Variants in CD163 observed in about 807,000 individuals in gnomAD.
The protein encoded by CD163 is scavenger receptor cysteine-rich type 1 protein M130.
CD163 carries 64 observed loss-of-function variants against 129.2 expected under a neutral mutation model. That is an observed-to-expected ratio of 0.50 (90% CI 0.41 to 0.61). The LOEUF is 0.61. CD163 is among the 20% of genes least tolerant of loss of function. The pLI is 0.00. For missense variants in CD163, 1,061 were observed against 1,377.9 expected, an observed-to-expected ratio of 0.77 and a Z score of 3.64; for synonymous variants, 446 against 478.5, an observed-to-expected ratio of 0.93 and a Z score of 0.89.
chr12:7,502,830 C>T (rs1213801367), intron 1 of CD163: 4 of 546,822 alleles, frequency 7.3e-6, no homozygotes, highest in Non-Finnish European at 1.3e-5. Flanking sequence ...GCAAGGTCAA[C>T]CCTTAAAACC....
At chr12:7,481,073 A>T in intron 15 of CD163, 88 bp downstream of exon 15, 1 of 1,519,416 alleles carries the variant, frequency 6.6e-7, no homozygotes, top group Admixed American at 2.1e-5. Context: ...AGACTTTTTT[A>T]ACTGTTTATC....
intron 13 of CD163, 28 bp downstream of exon 13, chr12:7,482,938 T>A (rs1456413653): frequency 6.2e-7 from 1 of 1,610,382 alleles, no homozygotes; most frequent in African/African-American, 1.3e-5. Flanking sequence ...AGATAATTGG[T>A]CTCATCATCA....
intron 4 of CD163, 70 bp downstream of exon 4, chr12:7,498,798 C>T: frequency 4.3e-6 from 6 of 1,391,908 alleles, no homozygotes; most frequent in Non-Finnish European, 5.9e-6. Context: ...AGAGTTCAGG[C>T]TCTTAAGATT....
intron 2 of CD163, 49 bp from the exon 3 acceptor site, chr12:7,501,511 G>C: frequency 7.0e-7 from 1 of 1,419,344 alleles, no homozygotes; most frequent in Non-Finnish European, 9.9e-7. Flanking sequence ...CAAAGAGCAA[G>C]TAGAAAATTA....
intron 2 of CD163, 123 bp from the exon 3 acceptor site, chr12:7,501,585 G>A: frequency 2.9e-6 from 2 of 683,154 alleles, no homozygotes; most frequent in Non-Finnish European, 5.0e-6. Context: ...TCCTATCCAT[G>A]GTAAAACAGA....
Position 7,503,759 on chromosome 12 carries a change from GA to G in CD163, c.-70del. On this transcript the variant is annotated 5_prime_UTR_variant, in exon 1 of 17. Transcript: ENST00000432237. The stretch of plus-strand genomic sequence containing the variant: ...TATTCCCTAGAAATGTTCTTCTAAA[GA>G]AAACAACTAAGAATTCTAAAAATCA... 1 of 970,700 alleles carries G rather than the reference GA, an allele frequency of 1.0e-6. No homozygotes were observed. The allele number at this position is 970,700 out of a possible 1,614,324, so 60.1% of individuals were successfully genotyped here. A position where few individuals can be genotyped will look rare whatever the true frequency, so the allele number is the denominator to read the frequency against.
At chr12:7,472,818 A>G (rs1405116067) in intron 16 of CD163, among the ~76,000 whole-genome samples, 1 of 152,216 alleles carries the variant, frequency 6.6e-6, no homozygotes, top group Non-Finnish European at 1.5e-5. Context: ...AAGGAGGCTA[A>G]GAACCTGATT....
At chr12:7,479,749 C>A in intron 16 of CD163, 111 bp downstream of exon 16, 2 of 1,113,496 alleles carry the variant, frequency 1.8e-6, no homozygotes, top group South Asian at 3.0e-5. Flanking sequence ...TGCACATAAG[C>A]AAATAAAATA....
rs1480266218 is a variant in CD163, at chr12:7,496,005, A to C, written c.1100-604T>G. Among the ~76,000 whole-genome samples, 4 of 152,186 alleles carry C rather than the reference A, an allele frequency of 2.6e-5. No individual in the cohort carries two copies. Among genetic ancestry groups the C allele is most frequent in the Non-Finnish European group, 4.4e-5 (3 of 68,024 alleles). On this transcript the variant is annotated intron_variant, in intron 5 of 16. Coordinates refer to ENST00000432237, the MANE Select transcript of CD163 (RefSeq NM_203416.4). This position sits in a 1 kb window ranked among gnomAD's most constrained non-coding sequence, Gnocchi z 4.8. Reference sequence around the variant, plus strand: ...TACCCAAAGGATTATAAATCATTCTACTATAAAGACACATGCACATGTATG... The same window carrying C: ...TACCCAAAGGATTATAAATCATTCTCCTATAAAGACACATGCACATGTATG...
At chr12:7,483,843 T>TATA (rs1259483569) in intron 11 of CD163, 168 bp from the exon 12 acceptor site, 3,237 of 37,932 alleles carry the variant, frequency 0.085, 16 homozygotes, top group Middle Eastern at 0.12. Flanking sequence ...ATATATATAT[T>TATA]TTTTTTTTTT....
At chr12:7,484,600 T>C (rs1183135336) in intron 11 of CD163, among the ~76,000 whole-genome samples, 4 of 142,148 alleles carry the variant, frequency 2.8e-5, no homozygotes, top group African/African-American at 1.0e-4. Flanking sequence ...GATCACGCCA[T>C]TGCACTCCAG....
chr12:7,499,363 A>G (rs749929667), intron 3 of CD163, among the ~76,000 whole-genome samples, 175 bp from the exon 4 acceptor site: 3 of 152,326 alleles, frequency 2.0e-5, no homozygotes, highest in South Asian at 4.1e-4. Context: ...TCTAGGAAGC[A>G]ATTAGGATTT....
At chr12:7,478,378 AT>A in intron 16 of CD163, among the ~76,000 whole-genome samples, 1 of 152,124 alleles carries the variant, frequency 6.6e-6, no homozygotes, top group South Asian at 2.1e-4. Context: ...TATTGATGGT[AT>A]TTCAAATTTT....
Position 7,470,859 on chromosome 12 carries a change from G to T in CD163, c.*570C>A, listed in dbSNP as rs1054131249. 3.9e-5 allele frequency: 6 copies of T among 152,128 alleles called. No individual in the cohort carries two copies. Among genetic ancestry groups the T allele is most frequent in the Non-Finnish European group, 7.4e-5 (5 of 68,006 alleles). The allele number at this position is 152,128 out of a possible 1,614,324, so 9.4% of individuals were successfully genotyped here. Reference sequence around the variant, plus strand: ...GCTCTGCATTTTATTCTAGTGAACAGAATTACAGTAACAAAAAGCAGTTAA... The same window carrying T: ...GCTCTGCATTTTATTCTAGTGAACATAATTACAGTAACAAAAAGCAGTTAA... On this transcript the variant is annotated 3_prime_UTR_variant, in exon 17 of 17. Transcript: ENST00000432237.
At chr12:7,480,294 G>T (rs577442044) in intron 15 of CD163, 2 of 231,648 alleles carry the variant, frequency 8.6e-6, no homozygotes, top group Non-Finnish European at 1.6e-5. Flanking sequence ...ATGGGTTTTG[G>T]GATATTTCTT....
chr12:7,484,840 T>G (rs1227041380), intron 11 of CD163, among the ~76,000 whole-genome samples: 1 of 152,192 alleles, frequency 6.6e-6, no homozygotes, highest in African/African-American at 2.4e-5. Flanking sequence ...AATAAATCTT[T>G]CAAGCAGACC....
chr12:7,480,222 G>A (rs1037506944), intron 15 of CD163: 1 of 384,854 alleles, frequency 2.6e-6, no homozygotes, highest in Non-Finnish European at 4.6e-6. Context: ...ATAATTCTTT[G>A]GATGGAAGAA....
rs189273624 is a variant in CD163 at position 7,484,067 on chromosome 12, C to T, written c.2780-392G>A. On this transcript the variant is annotated intron_variant, in intron 11 of 16. Transcript: ENST00000432237. ...ATGTTAGCCAGGATGGTCTCGATCT[C>T]CTGACCTCGTGATCCGCCCACCTCG... Among the ~76,000 whole-genome samples the T allele has an allele frequency of 4.4e-3, 669 of 151,342 alleles. 2 individuals carry two copies. The highest frequency in any genetic ancestry group is 0.014 in the African/African-American group (593 of 41,328).
chr12:7,503,182 T>A (rs1313238534), intron 1 of CD163, among the ~76,000 whole-genome samples: 2 of 152,168 alleles, frequency 1.3e-5, no homozygotes, highest in Non-Finnish European at 2.9e-5. Flanking sequence ...CACTCTTTAA[T>A]GCTGTTATTA....
Sources: gnomAD v4.1 joint callset for allele counts (sites outside exome capture counted in the v4.1 genomes callset) on GRCh38, gnomAD v4.1.1 for gene constraint, Gnocchi (gnomAD v3.1) non-coding constraint, MANE v1.5 for transcripts, NCBI Gene and HGNC (gene_info 2026-07-23, HGNC 2026-07-21) for gene names.